C1D: variants seen among roughly 807,000 people sequenced by gnomAD.
C1D encodes C1D nuclear receptor corepressor, also known as nuclear nucleic acid-binding protein C1D.
A neutral mutation model predicts 17.5 loss-of-function variants in C1D; 10 were observed. The observed-to-expected ratio is 0.57, with a 90% CI of 0.35 to 0.97. The LOEUF (loss-of-function observed/expected upper bound fraction) is 0.97. Ranked by LOEUF, C1D falls within the 50% of genes least tolerant of loss-of-function variation. The probability of loss-of-function intolerance (pLI) is 0.01; values close to 1 mark genes in which losing one functional copy is unlikely to be tolerated. For synonymous variants in C1D, 49 were observed against 54.0 expected (o/e 0.91, Z 0.40); for missense variants, 136 against 160.1 (o/e 0.85, Z 0.81).
intron 1 of C1D, among the ~76,000 whole-genome samples, chr2:68,059,882 CT>C (rs1324699286): frequency 1.3e-5 from 2 of 152,348 alleles, no homozygotes; most frequent in East Asian, 3.8e-4. Context: ...TAAATACCAT[CT>C]GTTCACTGAC....
chr2:68,048,264 T>C (rs1671189071), intron 1 of C1D, among the ~76,000 whole-genome samples: 1 of 152,124 alleles, frequency 6.6e-6, no homozygotes, highest in African/African-American at 2.4e-5. Context: ...ATAGGTAACA[T>C]CTCTAGAATA....
At chr2:68,053,594 T>C (rs1032626092) in intron 1 of C1D, among the ~76,000 whole-genome samples, 4 of 152,224 alleles carry the variant, frequency 2.6e-5, no homozygotes, top group Non-Finnish European at 4.4e-5. Context: ...CTTTAAACAG[T>C]CTGGTCATGG....
chr2:68,048,257 G>C (rs1167672879), intron 1 of C1D, among the ~76,000 whole-genome samples: 3 of 152,076 alleles, frequency 2.0e-5, no homozygotes, highest in Non-Finnish European at 4.4e-5. Context: ...CCAAGCCATA[G>C]GTAACATCTC....
chr2:68,059,007 T>C (rs751530793), intron 1 of C1D, among the ~76,000 whole-genome samples: 1 of 152,202 alleles, frequency 6.6e-6, no homozygotes, highest in African/African-American at 2.4e-5. Context: ...CCGTTTTGCA[T>C]TGCTATGCAG....
intron 1 of C1D, chr2:68,053,088 G>C (rs922723333): frequency 6.4e-6 from 10 of 1,550,614 alleles, no homozygotes; most frequent in Admixed American, 2.0e-5. Flanking sequence ...CCTCCTCCGG[G>C]GTTCTATAGG....
rs1670950219 is a variant in C1D at position 68,041,214 on chromosome 2, C to T, written c.*1675G>A. 1 of 151,840 alleles carries T rather than the reference C, an allele frequency of 6.6e-6. No homozygotes were observed. The highest frequency in any genetic ancestry group is 1.5e-5 in the Non-Finnish European group (1 of 67,822). The allele number at this position is 151,840 out of a possible 1,614,324, so 9.4% of individuals were successfully genotyped here. A position where few individuals can be genotyped will look rare whatever the true frequency, so the allele number is the denominator to read the frequency against. ...AATATACTCAAACTTTTATTTCTAC[C>T]TAATAATGAAAGAATTACTCACTTA... On this transcript the variant is annotated 3_prime_UTR_variant, in exon 5 of 5. Coordinates refer to ENST00000410067, the MANE Select transcript of C1D (RefSeq NM_173177.3).
intron 1 of C1D, among the ~76,000 whole-genome samples, chr2:68,054,402 G>A (rs191938010): frequency 6.6e-6 from 1 of 152,152 alleles, no homozygotes; most frequent in African/African-American, 2.4e-5. Flanking sequence ...GCTATGAAGG[G>A]AGGAACTCAT....
At chr2:68,059,525 C>T (rs1439337782) in intron 1 of C1D, among the ~76,000 whole-genome samples, 1 of 152,200 alleles carries the variant, frequency 6.6e-6, no homozygotes, top group Non-Finnish European at 1.5e-5. Context: ...CTGAATATAA[C>T]TGTAATACAG....
At chr2:68,052,983 A>T in intron 1 of C1D, 1 of 1,519,078 alleles carries the variant, frequency 6.6e-7, no homozygotes, top group Non-Finnish European at 8.8e-7. Context: ...TCACAGATGA[A>T]TAAACTGAGC....
chr2:68,046,132 A>G, intron 3 of C1D, 89 bp from the exon 4 acceptor site: 1 of 960,248 alleles, frequency 1.0e-6, no homozygotes, highest in Non-Finnish European at 1.6e-6. Flanking sequence ...ACAAAAAAGG[A>G]AAGTCCTACA....
At chr2:68,053,165 G>T in intron 1 of C1D, 5 of 1,550,500 alleles carry the variant, frequency 3.2e-6, no homozygotes, top group Non-Finnish European at 4.4e-6. Context: ...GACGGAGAGG[G>T]CATGAGAAAA....
At chr2:68,054,899 G>A (rs186918200) in intron 1 of C1D, among the ~76,000 whole-genome samples, 4 of 151,498 alleles carry the variant, frequency 2.6e-5, no homozygotes, top group Admixed American at 2.0e-4. Flanking sequence ...CTAGGAGTTC[G>A]AGGCTGCAGT....
At chr2:68,058,680 A>T (rs373183572) in intron 1 of C1D, among the ~76,000 whole-genome samples, 1 of 152,136 alleles carries the variant, frequency 6.6e-6, no homozygotes, top group African/African-American at 2.4e-5. Context: ...TCTTTAATAC[A>T]ACATATAAGG....
intron 1 of C1D, chr2:68,053,026 A>C: frequency 6.5e-7 from 1 of 1,547,316 alleles, no homozygotes; most frequent in Non-Finnish European, 8.7e-7. Flanking sequence ...CTAAAGTTGT[A>C]CATGTTAAAA....
At chr2:68,056,504 CAAAT>C (rs1252900829) in intron 1 of C1D, among the ~76,000 whole-genome samples, 2 of 151,818 alleles carry the variant, frequency 1.3e-5, no homozygotes, top group African/African-American at 4.8e-5. Context: ...AGACTAATGT[CAAAT>C]AAAAAACTAA....
intron 1 of C1D, among the ~76,000 whole-genome samples, chr2:68,049,345 T>A (rs1671219454): frequency 6.6e-6 from 1 of 152,188 alleles, no homozygotes; most frequent in South Asian, 2.1e-4. Flanking sequence ...TTTCCAGATC[T>A]GTGAAAGGAC....
chr2:68,047,209 G>C lies in C1D; in HGVS notation c.102C>G (p.Thr34=), dbSNP rs1228600424. 2.5e-6 allele frequency: 4 copies of C among 1,610,124 alleles called. No individual in the cohort carries two copies. In the South Asian group the frequency reaches 4.4e-5, roughly 18 times the overall value. ...ACTCATTTCTAGAAACAGACATCATGGTCTTCAGCATCTCATCCACAGCAC... is the reference window on the plus strand; with the variant it reads ...ACTCATTTCTAGAAACAGACATCATCGTCTTCAGCATCTCATCCACAGCAC... ...SIGAVDEMLK[T]MMSVSRNELL... is the part of the protein sequence containing the mutation. The change falls in exon 2 of 5, where the codon ACC becomes ACG. Residue 34 remains threonine, a synonymous_variant. Coordinates refer to ENST00000410067, the MANE Select transcript of C1D (RefSeq NM_173177.3).
rs913929499 is a variant in C1D, at chr2:68,046,413, G to A, written c.139-3C>T. 1.2e-6 allele frequency: 2 copies of A among 1,603,002 alleles called. No homozygotes were observed. The highest frequency in any genetic ancestry group is 1.3e-5 in the African/African-American group (1 of 74,492). ...TTTGCTTGTTCAAGTGGATCCAACT[G>A]TTAAAAAAGAAAGAGAGAGGGAAAG... On this transcript the variant is annotated splice_region_variant and splice_polypyrimidine_tract_variant and intron_variant, in intron 2 of 4. Transcript: ENST00000410067.
intron 1 of C1D, among the ~76,000 whole-genome samples, chr2:68,061,595 T>C (rs1359676554): frequency 2.6e-5 from 4 of 152,212 alleles, no homozygotes; most frequent in Non-Finnish European, 5.9e-5. Context: ...AATAAGAGTA[T>C]ATAGTGTTGT....
Sources: allele counts gnomAD v4.1 joint callset (sites outside exome capture counted in the v4.1 genomes callset), GRCh38; gene constraint gnomAD v4.1.1; transcripts MANE v1.5; gene names NCBI Gene and HGNC (gene_info 2026-07-23, HGNC 2026-07-21).